Variants in NEBL observed in about 807,000 individuals in gnomAD.
NEBL encodes the protein nebulette.
A neutral mutation model predicts 140.2 loss-of-function variants in NEBL; 122 were observed. The observed-to-expected ratio is 0.87, with a 90% CI of 0.75 to 1.01. The LOEUF (loss-of-function observed/expected upper bound fraction) is 1.01, where lower values mean the gene tolerates loss of function less well. NEBL is among the 50% of genes least tolerant of loss of function. The pLI is 0.00. For synonymous variants in NEBL, 436 were observed against 398.9 expected (o/e 1.09, Z -1.11); for missense variants, 1,365 against 1,231.3 (o/e 1.11, Z -1.62).
rs577404947 is a variant in NEBL, at chr10:21,235,116, G to T, written n.348+12805C>A. Among the ~76,000 whole-genome samples the T allele has an allele frequency of 3.9e-5, 6 of 152,100 alleles. No homozygotes were observed. In the East Asian group the frequency reaches 1.2e-3, roughly 29 times the overall value. ...TCCAGACCAGCCTGGGCAACATAGT[G>T]AGATGCCATTTCTACAAAAACGTAC... On this transcript the variant is annotated intron_variant and non_coding_transcript_variant, in intron 3 of 8. Transcript: ENST00000675702.
At chr10:20,916,653 AC>A (rs1401897290) in intron 4 of NEBL, among the ~76,000 whole-genome samples, 2 of 152,128 alleles carry the variant, frequency 1.3e-5, no homozygotes, top group African/African-American at 4.8e-5. Flanking sequence ...CAAATGATCC[AC>A]CCACCTCAGC....
chr10:21,110,444 A>T (rs1235010365), intron 2 of NEBL, among the ~76,000 whole-genome samples: 1 of 152,192 alleles, frequency 6.6e-6, no homozygotes, highest in African/African-American at 2.4e-5. Flanking sequence ...GCTACTCATA[A>T]TATTCCCTTA....
At chr10:21,064,143 T>C (rs1037657398) in intron 2 of NEBL, among the ~76,000 whole-genome samples, 3 of 152,170 alleles carry the variant, frequency 2.0e-5, no homozygotes, top group Non-Finnish European at 2.9e-5. Context: ...GCTGTGTCTG[T>C]TGTTTAAATA....
intron 1 of NEBL, among the ~76,000 whole-genome samples, chr10:21,277,139 A>G (rs1842934730): frequency 6.6e-6 from 1 of 151,854 alleles, no homozygotes. Context: ...AAAAACAAAA[A>G]CAAAAAAAAA....
At chr10:21,176,735 A>G (rs1841306468), upstream of NEBL, among the ~76,000 whole-genome samples, 1 of 152,162 alleles carries the variant, frequency 6.6e-6, no homozygotes, top group African/African-American at 2.4e-5. Flanking sequence ...TCTCTACTTT[A>G]ATTTCAATCC....
chr10:20,929,077 T>C (rs1480670684), intron 4 of NEBL, among the ~76,000 whole-genome samples: 3 of 151,978 alleles, frequency 2.0e-5, no homozygotes, highest in Non-Finnish European at 4.4e-5. Context: ...GAAACCTCCA[T>C]ACCTACCATT....
At chr10:20,835,222 C>A (rs1025028967) in intron 14 of NEBL, among the ~76,000 whole-genome samples, 8 of 152,126 alleles carry the variant, frequency 5.3e-5, no homozygotes, top group African/African-American at 1.9e-4. Flanking sequence ...CCTAGATTAC[C>A]ATTAAATCTG....
At chr10:21,099,479 T>C (rs1837367217) in intron 2 of NEBL, among the ~76,000 whole-genome samples, 1 of 152,172 alleles carries the variant, frequency 6.6e-6, no homozygotes, top group Non-Finnish European at 1.5e-5. Context: ...TTTTAAAATA[T>C]CATCTGAAAA....
chr10:21,054,841 C>G (rs1000153725), intron 2 of NEBL, among the ~76,000 whole-genome samples: 1 of 152,110 alleles, frequency 6.6e-6, no homozygotes, highest in African/African-American at 2.4e-5. Context: ...CAAAAATGCC[C>G]AAATTTTTCA....
rs201553643 is a variant in NEBL at position 20,845,337 on chromosome 10, A to G, written c.1148T>C (p.Ile383Thr). The G allele has an allele frequency of 1.2e-6, 2 of 1,603,660 alleles. No homozygotes were observed. Among genetic ancestry groups the G allele is most frequent in the East Asian group, 2.2e-5 (1 of 44,714 alleles). Residue 383 changes from isoleucine (I) to threonine (T), a missense_variant, in exon 12 of 28, where the codon ATT becomes ACT. By Grantham distance (89) the Ile-to-Thr change is moderately conservative. This residue lies in a region of NEBL where 1,323 missense variants were observed against 1,154.8 expected (regional missense o/e 1.15). Transcript: ENST00000377122. ...TAAATCCAGTGATGACCTTCCTTTA[A>G]TCTCCTTCTCAAAATCCTCTTTGTA... ...KVYKEDFEKE[I>T]KGRSSLDLDK... is the part of the protein sequence containing the mutation.
At chr10:21,198,792 C>A (rs1171889797) in intron 3 of NEBL, among the ~76,000 whole-genome samples, 1 of 151,958 alleles carries the variant, frequency 6.6e-6, no homozygotes, top group African/African-American at 2.4e-5. Context: ...TGCCCTATGA[C>A]AGACCTTCCC....
At chr10:20,938,771 A>G (rs1350986343) in intron 4 of NEBL, among the ~76,000 whole-genome samples, 1 of 152,242 alleles carries the variant, frequency 6.6e-6, no homozygotes, top group Non-Finnish European at 1.5e-5. Context: ...AAACCATCGC[A>G]CAACAACTAC....
At chr10:21,217,063 G>T (rs1423306640) in intron 3 of NEBL, among the ~76,000 whole-genome samples, 6 of 152,126 alleles carry the variant, frequency 3.9e-5, no homozygotes, top group Non-Finnish European at 8.8e-5. Flanking sequence ...CTGGGAAGGG[G>T]CTCTGCACTG....
At chr10:21,061,780 G>A (rs182111571) in intron 2 of NEBL, among the ~76,000 whole-genome samples, 18 of 152,296 alleles carry the variant, frequency 1.2e-4, no homozygotes, top group African/African-American at 4.1e-4. Context: ...TAAGGACTGA[G>A]CCACCTAAAT....
chr10:20,951,751 T>C (rs1177686980), intron 4 of NEBL, among the ~76,000 whole-genome samples: 2 of 152,214 alleles, frequency 1.3e-5, no homozygotes, highest in Non-Finnish European at 2.9e-5. Flanking sequence ...CAAAAATATA[T>C]ACATAAGAGT....
chr10:20,993,533 G>T (rs780111561), intron 3 of NEBL, among the ~76,000 whole-genome samples: 14 of 152,142 alleles, frequency 9.2e-5, no homozygotes, highest in Non-Finnish European at 1.8e-4. Flanking sequence ...TAGGTTTCAG[G>T]GTGGCTTTAT....
chr10:21,169,068 ATATATATAT>A lies in NEBL; in HGVS notation c.164+3306_164+3314del, dbSNP rs1190046972. 5.0e-3 allele frequency among the ~76,000 whole-genome samples: 91 copies of A among 18,038 alleles called. 1 individual carries two copies. The highest frequency in any genetic ancestry group is 9.9e-3 in the Admixed American group (14 of 1,410). The allele number at this position is 18,038 out of a possible 152,430, so 11.8% of individuals were successfully genotyped here. A position where few individuals can be genotyped will look rare whatever the true frequency, so the allele number is the denominator to read the frequency against. ...CGTCTACAAAAAAAAAAAAAAAAAA[ATATATATAT>A]ATATATATATATATATATATATATA... On this transcript the variant is annotated intron_variant, in intron 2 of 6. Coordinates refer to the NEBL transcript ENST00000417816.
At position 21,007,801 on chromosome 10, in the gene NEBL, A is replaced by C. The variant is rs551663520; in HGVS notation, c.249+12316T>G. On this transcript the variant is annotated intron_variant, in intron 3 of 6. Coordinates refer to the NEBL transcript ENST00000417816. ...TGTTATATAGTAGAATGAGTGATCT[A>C]TCCTCTGGAATCAGTAATATTTTGA... Among the ~76,000 whole-genome samples, 3 of 152,336 alleles carry C rather than the reference A, an allele frequency of 2.0e-5. No homozygotes were observed. In the East Asian group the frequency reaches 5.8e-4, roughly 29 times the overall value.
intron 4 of NEBL, among the ~76,000 whole-genome samples, chr10:20,915,471 G>C (rs1848510127): frequency 7.0e-6 from 1 of 143,202 alleles, no homozygotes; most frequent in African/African-American, 2.6e-5. Context: ...TGTTCTCATT[G>C]TTCAATTCCC....
Sources: gnomAD v4.1 joint callset for allele counts (sites outside exome capture counted in the v4.1 genomes callset) on GRCh38, gnomAD v4.1.1 for gene constraint, gnomAD v4.1.1 regional missense constraint, MANE v1.5 for transcripts, NCBI Gene and HGNC (gene_info 2026-07-23, HGNC 2026-07-21) for gene names.